Variants in PRKCZ observed in about 807,000 individuals in gnomAD.
PRKCZ encodes protein kinase C zeta type.
In PRKCZ, 33 loss-of-function variants were observed where a neutral mutation model predicts 79.5. The ratio of observed to expected loss-of-function variants is 0.41; its 90% CI spans 0.31 to 0.55. The LOEUF (loss-of-function observed/expected upper bound fraction) is 0.55. Ranked by LOEUF, PRKCZ falls within the 20% of genes least tolerant of loss-of-function variation. PRKCZ has a pLI of 0.19. For synonymous variants in PRKCZ, 342 were observed against 320.9 expected, an observed-to-expected ratio of 1.07 and a Z score of -0.70; for missense variants, 578 against 813.5, an observed-to-expected ratio of 0.71 and a Z score of 3.52.
At chr1:2,073,691 G>C in intron 4 of PRKCZ, 4 of 992,400 alleles carry the variant, frequency 4.0e-6, no homozygotes, top group Non-Finnish European at 4.8e-6. Flanking sequence ...TCCCGGGGGA[G>C]CCGGGTACCA....
At chr1:2,067,117 A>T (rs1661183134) in intron 4 of PRKCZ, among the ~76,000 whole-genome samples, 1 of 151,936 alleles carries the variant, frequency 6.6e-6, no homozygotes, top group Non-Finnish European at 1.5e-5. Flanking sequence ...GTTCATCTTG[A>T]TGTGGTTGGA....
chr1:2,059,468 G>T (rs1660472521), intron 3 of PRKCZ, 73 bp from the exon 4 acceptor site: 2 of 1,565,294 alleles, frequency 1.3e-6, no homozygotes, highest in Middle Eastern at 1.7e-4. Context: ...TGACTGAGGC[G>T]GGACTTCCTC....
Position 2,172,830 on chromosome 1 carries a change from T to C in PRKCZ, c.1285+442T>C, listed in dbSNP as rs1287817841. On this transcript the variant is annotated intron_variant, in intron 13 of 17. Transcript: ENST00000378567. The surrounding 1 kb of genome is among the most constrained non-coding windows in gnomAD (Gnocchi z 7.8). Reference sequence around the variant, plus strand: ...CCAGAGTGTTTCTGCTCCTCTCCCCTCTCTGGGCGTGAAACGGGGACATGG... The same window carrying C: ...CCAGAGTGTTTCTGCTCCTCTCCCCCCTCTGGGCGTGAAACGGGGACATGG... Among the ~76,000 whole-genome samples, 1 of 152,092 alleles carries C rather than the reference T, an allele frequency of 6.6e-6. No individual in the cohort carries two copies. Among genetic ancestry groups the C allele is most frequent in the African/African-American group, 2.4e-5 (1 of 41,408 alleles).
At chr1:2,108,403 A>C (rs1238383577) in intron 4 of PRKCZ, among the ~76,000 whole-genome samples, 2 of 152,206 alleles carry the variant, frequency 1.3e-5, no homozygotes, top group African/African-American at 4.8e-5. Context: ...CCACGTCCTC[A>C]TCCCCTCTGG....
At chr1:2,116,969 G>T (rs1482767563) in intron 4 of PRKCZ, among the ~76,000 whole-genome samples, 1 of 152,178 alleles carries the variant, frequency 6.6e-6, no homozygotes, top group South Asian at 2.1e-4. Flanking sequence ...GTTGCGGGGG[G>T]CAGACAGGAC....
Position 2,146,080 on chromosome 1 carries a change from C to T in PRKCZ, c.606C>T (p.Ala202=), listed in dbSNP as rs1024344473. The stretch of plus-strand genomic sequence containing the variant: ...CAGTAGACGACAAGAACGAGGACGC[C>T]GACCTTCCTTCCGAGGAGACAGATG... ...EPPVDDKNED[A]DLPSEETDGI... is the part of the protein sequence containing the mutation. Residue 202 remains alanine (A), a synonymous_variant, in exon 7 of 18, where the codon GCC becomes GCT. Coordinates refer to ENST00000378567, the MANE Select transcript of PRKCZ (RefSeq NM_002744.6). 10 of 1,613,962 alleles carry T rather than the reference C, an allele frequency of 6.2e-6. No homozygotes were observed. The highest frequency in any genetic ancestry group is 3.3e-5 in the Admixed American group (2 of 60,000).
chr1:2,138,353 G>A (rs1035640891), intron 5 of PRKCZ, among the ~76,000 whole-genome samples: 1 of 152,176 alleles, frequency 6.6e-6, no homozygotes, highest in African/African-American at 2.4e-5. Flanking sequence ...TTCAGTGGGG[G>A]AGCCAAAGGG....
chr1:2,137,482 C>T (rs1037886420), intron 5 of PRKCZ, among the ~76,000 whole-genome samples: 10 of 152,356 alleles, frequency 6.6e-5, no homozygotes, highest in South Asian at 6.2e-4. Context: ...ATTACAGTGC[C>T]GCAGGGCTGC....
rs573625143 is a variant in PRKCZ, at chr1:2,072,376, G to C, written c.334+12785G>C. On this transcript the variant is annotated intron_variant, in intron 4 of 17. Transcript: ENST00000378567. ...CCAGCCATCAGGAGATGATGCCGTT[G>C]AGAAGGTCGTTTATTACTCAGCTTC... Among the ~76,000 whole-genome samples, 29 of 152,404 alleles carry C rather than the reference G, an allele frequency of 1.9e-4. 3 individuals carry two copies. The South Asian group carries it at 5.8e-3, about 30-fold the overall frequency.
chr1:2,060,593 GC>G (rs1660586249), intron 4 of PRKCZ, among the ~76,000 whole-genome samples: 2 of 152,222 alleles, frequency 1.3e-5, no homozygotes, highest in African/African-American at 4.8e-5. Flanking sequence ...TCCATGATCT[GC>G]CCGGGGAGAG....
At chr1:2,124,550 G>C (rs1673487812) in intron 4 of PRKCZ, among the ~76,000 whole-genome samples, 2 of 152,148 alleles carry the variant, frequency 1.3e-5, no homozygotes, top group African/African-American at 4.8e-5. Flanking sequence ...CCGCCAGCAA[G>C]CAAGGAGATA....
Position 2,158,989 on chromosome 1 carries a change from G to A in PRKCZ, c.974+2897G>A, listed in dbSNP as rs1433951765. Among the ~76,000 whole-genome samples, 3 of 151,742 alleles carry A rather than the reference G, an allele frequency of 2.0e-5. 1 individual carries two copies. ...CACCCAGGCTGGAGTGCAGTGGCAC[G>A]ATCTCGGCTCACTGCAACTTCCACC... On this transcript the variant is annotated intron_variant, in intron 10 of 17. Transcript: ENST00000378567.
At chr1:2,133,092 T>C (rs180935081) in intron 4 of PRKCZ, among the ~76,000 whole-genome samples, 1 of 152,314 alleles carries the variant, frequency 6.6e-6, no homozygotes, top group East Asian at 1.9e-4. Flanking sequence ...TGGCGTCTGC[T>C]AGGACGTCAT....
At chr1:2,105,390 G>T (rs1230622469) in intron 4 of PRKCZ, among the ~76,000 whole-genome samples, 1 of 152,160 alleles carries the variant, frequency 6.6e-6, no homozygotes, top group Non-Finnish European at 1.5e-5. Flanking sequence ...TTGGCCAAGG[G>T]TCACGTTAGG....
chr1:2,050,745 A>C, intron 1 of PRKCZ, 44 bp downstream of exon 1: 2 of 274,048 alleles, frequency 7.3e-6, no homozygotes, highest in Non-Finnish European at 1.2e-5. Context: ...TGAGGCAGGG[A>C]GGGCGGGGAG....
intron 4 of PRKCZ, chr1:2,116,350 C>T (rs774080592): frequency 3.3e-5 from 5 of 152,204 alleles, no homozygotes; most frequent in Non-Finnish European, 5.9e-5. Context: ...ATTGGGGACC[C>T]TCCTTTTAAA....
intron 5 of PRKCZ, among the ~76,000 whole-genome samples, chr1:2,136,297 T>C (rs1024660668): frequency 1.3e-5 from 2 of 152,196 alleles, no homozygotes; most frequent in African/African-American, 4.8e-5. Context: ...AGAGTGGGTC[T>C]GGACTCCCAT....
intron 4 of PRKCZ, chr1:2,104,596 G>A: frequency 1.3e-6 from 1 of 791,282 alleles, no homozygotes. Context: ...CCAGGTGGCA[G>A]GGGATGGCCG....
intron 4 of PRKCZ, among the ~76,000 whole-genome samples, chr1:2,110,680 G>A (rs1042380062): frequency 6.6e-6 from 1 of 152,040 alleles, no homozygotes; most frequent in African/African-American, 2.4e-5. Context: ...GGTTTGGATC[G>A]GCCTTGGTGA....
Sources: gnomAD v4.1 joint callset for allele counts (sites outside exome capture counted in the v4.1 genomes callset) on GRCh38, gnomAD v4.1.1 for gene constraint, Gnocchi (gnomAD v3.1) non-coding constraint, MANE v1.5 for transcripts, NCBI Gene and HGNC (gene_info 2026-07-23, HGNC 2026-07-21) for gene names.